The following SCHIP1 variants were observed in gnomAD, a reference collection of about 807,000 sequenced individuals.
SCHIP1 encodes the protein schwannomin interacting protein 1.
SCHIP1 carries 8 observed loss-of-function variants against 29.7 expected under a neutral mutation model. The ratio of observed to expected loss-of-function variants is 0.27; its 90% CI spans 0.16 to 0.49. SCHIP1 has a LOEUF of 0.49. Ranked by LOEUF, SCHIP1 falls within the 20% of genes least tolerant of loss-of-function variation. The probability of loss-of-function intolerance (pLI) is 0.99; values close to 1 mark genes in which losing one functional copy is unlikely to be tolerated. For synonymous variants in SCHIP1, 76 were observed against 94.9 expected (o/e 0.80, Z 1.16); for missense variants, 193 against 294.6 (o/e 0.66, Z 2.52).
At chr3:159,853,680 A>G (rs982521260) in intron 1 of SCHIP1, among the ~76,000 whole-genome samples, 5 of 152,194 alleles carry the variant, frequency 3.3e-5, no homozygotes, top group Non-Finnish European at 7.3e-5. Flanking sequence ...TAAAACACAC[A>G]TGTTGTTATT....
the SCHIP1 span, among the ~76,000 whole-genome samples, chr3:159,569,940 T>C: frequency 7.2e-5 from 11 of 152,368 alleles, no homozygotes; most frequent in South Asian, 4.1e-4. Flanking sequence ...ATTTTTTTCA[T>C]GTGTCTGTTG....
At chr3:159,881,758 T>C (rs1716459556) in intron 2 of SCHIP1, among the ~76,000 whole-genome samples, 1 of 152,188 alleles carries the variant, frequency 6.6e-6, no homozygotes, top group Admixed American at 6.5e-5. Context: ...TAAAAAGCCA[T>C]CCACGTCAGT....
the SCHIP1 span, among the ~76,000 whole-genome samples, chr3:159,415,736 A>G: frequency 6.6e-6 from 1 of 152,168 alleles, no homozygotes; most frequent in African/African-American, 2.4e-5. Context: ...GCTATTGTGA[A>G]TGATTGCTAG....
chr3:159,438,416 G>A, the SCHIP1 span, among the ~76,000 whole-genome samples: 1,423 of 152,138 alleles, frequency 9.4e-3, 24 homozygotes, highest in African/African-American at 0.032. Flanking sequence ...TTCTACCCCC[G>A]TTCCCTGCAA....
the SCHIP1 span, among the ~76,000 whole-genome samples, chr3:159,506,942 A>C: frequency 3.2e-4 from 48 of 152,244 alleles, no homozygotes; most frequent in African/African-American, 1.1e-3. Flanking sequence ...TTCTCCTGGC[A>C]ATGCGGGCTC....
chr3:159,668,997 C>G, the SCHIP1 span, among the ~76,000 whole-genome samples: 1 of 152,132 alleles, frequency 6.6e-6, no homozygotes, highest in Admixed American at 6.5e-5. Context: ...GCCCTTTTCC[C>G]CTAGTGCTCC....
chr3:159,562,236 T>G, the SCHIP1 span, among the ~76,000 whole-genome samples: 5 of 152,212 alleles, frequency 3.3e-5, no homozygotes, highest in Non-Finnish European at 7.3e-5. Context: ...CATCAACATA[T>G]GCCAAATTCC....
chr3:159,446,021 T>TATAATAATAATA, the SCHIP1 span, among the ~76,000 whole-genome samples: 1 of 149,772 alleles, frequency 6.7e-6, no homozygotes, highest in African/African-American at 2.5e-5. Flanking sequence ...AAACTTAAAG[T>TATAATAATAATA]ATAATAATAA....
the SCHIP1 span, among the ~76,000 whole-genome samples, chr3:159,625,742 A>G: frequency 7.0e-3 from 1,062 of 151,908 alleles, 14 homozygotes; most frequent in African/African-American, 0.024. Context: ...CTTTCTCCTT[A>G]ACTCCCAACT....
At chr3:159,318,818 G>T in the SCHIP1 span, among the ~76,000 whole-genome samples, 1 of 152,092 alleles carries the variant, frequency 6.6e-6, no homozygotes, top group Non-Finnish European at 1.5e-5. Context: ...TGGCTAGATG[G>T]GTCATAAAGC....
the SCHIP1 span, among the ~76,000 whole-genome samples, chr3:159,811,513 T>C: frequency 6.6e-6 from 1 of 152,240 alleles, no homozygotes; most frequent in East Asian, 1.9e-4. Flanking sequence ...GATATCCAGT[T>C]GTCCCAGCAC....
At chr3:159,402,160 G>A in the SCHIP1 span, among the ~76,000 whole-genome samples, 1 of 152,162 alleles carries the variant, frequency 6.6e-6, no homozygotes, top group Non-Finnish European at 1.5e-5. Flanking sequence ...CATTTATGCA[G>A]CCAAAAAACA....
At chr3:159,588,332 A>G in the SCHIP1 span, among the ~76,000 whole-genome samples, 1 of 152,004 alleles carries the variant, frequency 6.6e-6, no homozygotes, top group African/African-American at 2.4e-5. Flanking sequence ...TTTCTTGTAA[A>G]TTTATTTGAG....
the SCHIP1 span, among the ~76,000 whole-genome samples, chr3:159,603,138 A>G: frequency 0.2 from 31,154 of 152,120 alleles, 8,692 homozygotes; most frequent in African/African-American, 0.63. Flanking sequence ...AAACACTTAC[A>G]CTTATCCATT....
At chr3:159,602,566 G>C in the SCHIP1 span, among the ~76,000 whole-genome samples, 36 of 152,024 alleles carry the variant, frequency 2.4e-4, 1 homozygote, top group Middle Eastern at 3.4e-3. Flanking sequence ...AAAAATAGCT[G>C]GGTGTGGTGG....
the SCHIP1 span, among the ~76,000 whole-genome samples, chr3:159,546,531 T>G: frequency 4.6e-5 from 7 of 151,996 alleles, no homozygotes. Flanking sequence ...TTTTAAGCCC[T>G]GCATGCATTA....
chr3:159,467,291 C>G, the SCHIP1 span, among the ~76,000 whole-genome samples: 2 of 151,976 alleles, frequency 1.3e-5, no homozygotes, highest in African/African-American at 2.4e-5. Context: ...TTAGTTGTTT[C>G]CAGTTTTTTT....
At chr3:159,523,426 G>T in the SCHIP1 span, among the ~76,000 whole-genome samples, 33 of 152,192 alleles carry the variant, frequency 2.2e-4, 1 homozygote, top group South Asian at 2.7e-3. Context: ...ATTTCTTAAA[G>T]AATATTGGGT....
the SCHIP1 span, among the ~76,000 whole-genome samples, chr3:159,328,573 G>A: frequency 5.3e-5 from 8 of 152,276 alleles, no homozygotes; most frequent in South Asian, 1.7e-3. Context: ...GTGGAAAAAG[G>A]CATTATAAGC....
Sources: gnomAD v4.1 joint callset for allele counts (sites outside exome capture counted in the v4.1 genomes callset) on GRCh38, gnomAD v4.1.1 for gene constraint, MANE v1.5 for transcripts, NCBI Gene and HGNC (gene_info 2026-07-23, HGNC 2026-07-21) for gene names.